The following TRMT10B variants were observed in gnomAD, a reference collection of about 807,000 sequenced individuals.
TRMT10B encodes tRNA methyltransferase 10 homolog B.
Under a neutral mutation model 43.8 loss-of-function variants are expected in TRMT10B, and 33 were observed. That is an observed-to-expected ratio of 0.75 (90% CI 0.57 to 1.01). TRMT10B has a LOEUF of 1.01. TRMT10B is among the 50% of genes least tolerant of loss of function. The probability of loss-of-function intolerance (pLI) is 0.00; values close to 1 mark genes in which losing one functional copy is unlikely to be tolerated. For synonymous variants in TRMT10B, 137 were observed against 130.6 expected, an observed-to-expected ratio of 1.05 and a Z score of -0.34; for missense variants, 362 against 369.8, an observed-to-expected ratio of 0.98 and a Z score of 0.17.
chr9:37,752,925 T>G (rs533694533), upstream of TRMT10B, among the ~76,000 whole-genome samples: 462 of 152,328 alleles, frequency 3.0e-3, 1 homozygote, highest in Admixed American at 6.7e-3. Context: ...GTTGCCTTTC[T>G]GGACTGTGGG....
chr9:37,760,337 A>G (rs1826190269), intron 1 of TRMT10B, among the ~76,000 whole-genome samples: 1 of 152,168 alleles, frequency 6.6e-6, no homozygotes, highest in African/African-American at 2.4e-5. Context: ...AAGTAATTTA[A>G]ATAGGGGTTG....
At chr9:37,771,442 T>G (rs1350762467) in intron 7 of TRMT10B, among the ~76,000 whole-genome samples, 1 of 142,504 alleles carries the variant, frequency 7.0e-6, no homozygotes, top group Non-Finnish European at 1.6e-5. Flanking sequence ...ATTTTACATA[T>G]AGGTAGAGGT....
At chr9:37,764,891 T>C (rs147489070) in intron 4 of TRMT10B, among the ~76,000 whole-genome samples, 2 of 152,196 alleles carry the variant, frequency 1.3e-5, no homozygotes, top group Non-Finnish European at 2.9e-5. Context: ...GAAGATACTG[T>C]ATACCATACA....
chr9:37,756,756 A>G (rs964991743), intron 1 of TRMT10B, among the ~76,000 whole-genome samples: 1 of 145,990 alleles, frequency 6.8e-6, no homozygotes, highest in East Asian at 1.9e-4. Flanking sequence ...ACACACACAT[A>G]TATATATACA....
intron 1 of TRMT10B, among the ~76,000 whole-genome samples, chr9:37,755,132 C>T (rs1276871455): frequency 6.6e-6 from 1 of 152,074 alleles, no homozygotes; most frequent in East Asian, 1.9e-4. Flanking sequence ...TCTAGCCGGA[C>T]ATGGTGGCGG....
chr9:37,769,999 T>C lies in TRMT10B; in HGVS notation c.632T>C (p.Leu211Pro), dbSNP rs376051610. The stretch of plus-strand genomic sequence containing the variant: ...TTTCCCTTGGAAACCCTTGTGTACC[T>C]GACTCCTGACTCAGAACACGGTATG... ...SLFPLETLVY[L>P]TPDSEHALED... Residue 211 changes from leucine to proline, a missense_variant, in exon 6 of 9, where the codon CTG becomes CCG. Leu to Pro is a moderately conservative substitution (Grantham distance 98). Transcript: ENST00000297994. The C allele has an allele frequency of 5.8e-5, 94 of 1,613,708 alleles. No homozygotes were observed. The highest frequency in any genetic ancestry group is 7.8e-5 in the Non-Finnish European group (92 of 1,179,680).
Position 37,768,135 on chromosome 9 carries a change from C to T in TRMT10B, c.480C>T (p.Asp160=). 6.2e-7 allele frequency: 1 copy of T among 1,614,156 alleles called. No individual in the cohort carries two copies. The highest frequency in any genetic ancestry group is 8.5e-7 in the Non-Finnish European group (1 of 1,180,010). The stretch of plus-strand genomic sequence containing the variant: ...TGTATGGTTCAAACAAAAAAGCTGA[C>T]AGGCCATTTTGGATCTGCCTCACTG... ...RRLYGSNKKA[D]RPFWICLTGF... The change falls in exon 5 of 9, where the codon GAC becomes GAT. Residue 160 remains aspartate (D), a synonymous_variant. Coordinates refer to ENST00000297994, the MANE Select transcript of TRMT10B (RefSeq NM_144964.4).
At chr9:37,763,895 A>G (rs1563992859) in intron 4 of TRMT10B, 142 bp downstream of exon 4, 1 of 1,525,354 alleles carries the variant, frequency 6.6e-7, no homozygotes, top group South Asian at 1.2e-5. Context: ...ATACTGGGTT[A>G]CTAAGTTCCA....
At chr9:37,755,023 C>T (rs971522990) in intron 1 of TRMT10B, among the ~76,000 whole-genome samples, 1 of 152,136 alleles carries the variant, frequency 6.6e-6, no homozygotes, top group African/African-American at 2.4e-5. Context: ...GTAATCCTAG[C>T]ACTTTGGGAG....
At chr9:37,771,264 TAAGTTTAATAA>T (rs570907909) in intron 7 of TRMT10B, among the ~76,000 whole-genome samples, 71 of 152,304 alleles carry the variant, frequency 4.7e-4, no homozygotes, top group Non-Finnish European at 7.9e-4. Context: ...ACATAGATAA[TAAGTTTAATAA>T]AAGTTAAAGA....
chr9:37,754,087 C>CT (rs1445839471), intron 1 of TRMT10B, among the ~76,000 whole-genome samples: 1 of 152,254 alleles, frequency 6.6e-6, no homozygotes, highest in African/African-American at 2.4e-5. Flanking sequence ...TGTGCCATCA[C>CT]TTAGCGGCAG....
upstream of TRMT10B, among the ~76,000 whole-genome samples, chr9:37,753,297 G>A (rs573586037): frequency 1.2e-4 from 19 of 152,338 alleles, no homozygotes; most frequent in Admixed American, 2.6e-4. Flanking sequence ...ATATCAGGTT[G>A]GAATTTGATA....
At chr9:37,776,535 GAC>G (rs1828173738) in intron 8 of TRMT10B, 130 bp downstream of exon 8, 1 of 1,190,294 alleles carries the variant, frequency 8.4e-7, no homozygotes, top group Non-Finnish European at 1.1e-6. Context: ...TGTACGTCAT[GAC>G]ATATATTCTG....
chr9:37,752,931 G>A (rs531950175), upstream of TRMT10B, among the ~76,000 whole-genome samples: 1 of 152,200 alleles, frequency 6.6e-6, no homozygotes, highest in Admixed American at 6.5e-5. Context: ...TTTCTGGACT[G>A]TGGGTGCTTT....
Position 37,763,646 on chromosome 9 carries a change from A to C in TRMT10B, c.313A>C (p.Ser105Arg). Residue 105 changes from serine to arginine, a missense_variant, in exon 4 of 9, where the codon AGC (serine) becomes CGC (arginine). By Grantham distance (110) the Ser-to-Arg change is moderately radical (BLOSUM62 -1). Transcript: ENST00000297994. ...TGCTTTAGGCATTTGCCCCCAGCAC[A>C]GCAAACGTTTCCTGAGAGCTCTAAC... ...AENPGICPQH[S>R]KRFLRALTKD... 6.2e-7 allele frequency: 1 copy of C among 1,614,156 alleles called. No homozygotes were observed. The highest frequency in any genetic ancestry group is 1.1e-5 in the South Asian group (1 of 91,076).
chr9:37,776,297 A>G lies in TRMT10B; in HGVS notation c.736A>G (p.Lys246Glu). The change falls in exon 8 of 9, where the codon AAG (lysine) becomes GAG (glutamate). Residue 246 changes from lysine (K) to glutamate (E), a missense_variant. Transcript: ENST00000297994. ...ATATTTACAGAAGGTGACATTTCAA[A>G]AGGCCCGGGAATACTCTGTCAAGAC... ...ESIQKKVTFQ[K>E]AREYSVKTAR... is the part of the protein sequence containing the mutation. 1 of 1,556,714 alleles carries G rather than the reference A, an allele frequency of 6.4e-7. No individual in the cohort carries two copies. Among genetic ancestry groups the G allele is most frequent in the South Asian group, 1.2e-5 (1 of 80,374 alleles).
intron 5 of TRMT10B, 94 bp downstream of exon 5, chr9:37,768,322 T>C: frequency 7.3e-7 from 1 of 1,377,726 alleles, no homozygotes; most frequent in Non-Finnish European, 9.8e-7. Context: ...ATGTTACATT[T>C]TCAGTATTGA....
chr9:37,777,541 C>A, intron 8 of TRMT10B, 60 bp from the exon 9 acceptor site: 2 of 1,354,008 alleles, frequency 1.5e-6, no homozygotes, highest in South Asian at 1.2e-5. Flanking sequence ...ACATCCTTTT[C>A]ATTTACTCGT....
chr9:37,771,371 G>A (rs1336651833), intron 7 of TRMT10B, among the ~76,000 whole-genome samples: 1 of 152,116 alleles, frequency 6.6e-6, no homozygotes, highest in Non-Finnish European at 1.5e-5. Context: ...CCGATGTCAA[G>A]TTTTCTTGTG....
Sources: gnomAD v4.1 joint callset for allele counts (sites outside exome capture counted in the v4.1 genomes callset) on GRCh38, gnomAD v4.1.1 for gene constraint, MANE v1.5 for transcripts, NCBI Gene and HGNC (gene_info 2026-07-23, HGNC 2026-07-21) for gene names.